ROR1: variants seen among roughly 807,000 people sequenced by gnomAD.
ROR1 encodes the protein inactive tyrosine-protein kinase transmembrane receptor ROR1.
In ROR1, 19 loss-of-function variants were observed where a neutral mutation model predicts 78.8. The observed-to-expected ratio is 0.24, with a 90% CI of 0.17 to 0.35. The LOEUF (loss-of-function observed/expected upper bound fraction) is 0.35. Ranked by LOEUF, ROR1 falls within the 10% of genes least tolerant of loss-of-function variation. The pLI is 1.00. For synonymous variants in ROR1, 386 were observed against 433.6 expected (o/e 0.89, Z 1.36); for missense variants, 917 against 1,177.8 (o/e 0.78, Z 3.24).
intron 1 of ROR1, among the ~76,000 whole-genome samples, chr1:63,959,299 C>T (rs1026749592): frequency 2.2e-5 from 3 of 135,654 alleles, no homozygotes; most frequent in African/African-American, 1.1e-4. Context: ...TCCAATGACA[C>T]GTGGGGATTA....
At position 63,988,210 on chromosome 1, in the gene ROR1, C is replaced by G. The variant is rs542012105; in HGVS notation, c.92-21095C>G. Among the ~76,000 whole-genome samples, 6 of 152,296 alleles carry G rather than the reference C, an allele frequency of 3.9e-5. No homozygotes were observed. In the South Asian group the frequency reaches 8.3e-4, roughly 21 times the overall value. ...TAAATCAACTCCAGGACCCAGCTGT[C>G]TCAGGGTCCAGGCTGGGAAGCTCCA... On this transcript the variant is annotated intron_variant, in intron 1 of 8. Coordinates refer to ENST00000371079, the MANE Select transcript of ROR1 (RefSeq NM_005012.4).
At chr1:64,174,978 C>G (rs1197922492) in intron 8 of ROR1, among the ~76,000 whole-genome samples, 4 of 147,474 alleles carry the variant, frequency 2.7e-5, no homozygotes, top group Admixed American at 6.8e-5. Flanking sequence ...TTTCCTAGTT[C>G]AGTAAGATGG....
chr1:63,967,356 A>G (rs1050992880), intron 1 of ROR1, among the ~76,000 whole-genome samples: 4 of 152,150 alleles, frequency 2.6e-5, no homozygotes, highest in Non-Finnish European at 5.9e-5. Flanking sequence ...ATCCTATAAC[A>G]TAAAAAAAAT....
intron 1 of ROR1, among the ~76,000 whole-genome samples, chr1:63,859,401 T>G (rs2100342025): frequency 6.6e-6 from 1 of 152,326 alleles, no homozygotes; most frequent in South Asian, 2.1e-4. Context: ...TCTGCAAAGC[T>G]TACTTGAGTT....
chr1:63,944,963 TAAAA>T (rs964470547), intron 1 of ROR1, among the ~76,000 whole-genome samples: 7 of 152,180 alleles, frequency 4.6e-5, no homozygotes, highest in Non-Finnish European at 8.8e-5. Context: ...GGGGAAGTGT[TAAAA>T]AAATACCTTT....
At chr1:64,093,793 C>T (rs1569733978) in intron 4 of ROR1, among the ~76,000 whole-genome samples, 1 of 152,134 alleles carries the variant, frequency 6.6e-6, no homozygotes, top group African/African-American at 2.4e-5. Context: ...TCTTCCTCTC[C>T]ACCCCTCTCT....
At position 63,855,729 on chromosome 1, in the gene ROR1, A is replaced by C. The variant is rs376405648; in HGVS notation, c.91+81221A>C. Among the ~76,000 whole-genome samples the C allele has an allele frequency of 3.3e-5, 5 of 150,328 alleles. No individual in the cohort carries two copies. In the East Asian group the frequency reaches 9.8e-4, roughly 30 times the overall value. Reference sequence around the variant, plus strand: ...AGTGGTATGATCTCGGCTCACTGCAACCTCCGCCTCCCTGGTTCAAGTGAT... The same window carrying C: ...AGTGGTATGATCTCGGCTCACTGCACCCTCCGCCTCCCTGGTTCAAGTGAT... On this transcript the variant is annotated intron_variant, in intron 1 of 8. Transcript: ENST00000371079.
chr1:64,023,927 C>T (rs1179059477), intron 2 of ROR1, among the ~76,000 whole-genome samples: 2 of 152,106 alleles, frequency 1.3e-5, no homozygotes, highest in African/African-American at 2.4e-5. Flanking sequence ...GGATCATGGG[C>T]GCGGTTTTCC....
At chr1:63,810,820 C>T (rs1180462169) in intron 1 of ROR1, among the ~76,000 whole-genome samples, 1 of 152,174 alleles carries the variant, frequency 6.6e-6, no homozygotes, top group Admixed American at 6.5e-5. Context: ...TGCAAATGGC[C>T]TGATATGCTT....
intron 4 of ROR1, among the ~76,000 whole-genome samples, chr1:64,078,192 A>G (rs539016718): frequency 4.7e-4 from 71 of 152,342 alleles, no homozygotes; most frequent in Non-Finnish European, 8.7e-4. Context: ...AAACACAGCT[A>G]TAATAGTAGT....
chr1:64,043,683 G>T (rs1486698961), intron 2 of ROR1, among the ~76,000 whole-genome samples: 1 of 152,152 alleles, frequency 6.6e-6, no homozygotes, highest in African/African-American at 2.4e-5. Flanking sequence ...AAAGACTACA[G>T]GTTGGATTGA....
intron 1 of ROR1, among the ~76,000 whole-genome samples, chr1:63,891,622 G>C (rs1462935518): frequency 2.6e-5 from 4 of 152,168 alleles, no homozygotes; most frequent in Non-Finnish European, 4.4e-5. Context: ...TCAGTAGACT[G>C]AGTACAGAAT....
intron 1 of ROR1, among the ~76,000 whole-genome samples, chr1:63,798,267 C>T (rs746312556): frequency 8.5e-5 from 13 of 152,272 alleles, no homozygotes; most frequent in Admixed American, 3.3e-4. Context: ...GTTGATTTGA[C>T]GCTCTGCAGG....
chr1:64,080,578 C>T (rs1027075078), intron 4 of ROR1, among the ~76,000 whole-genome samples: 1 of 152,212 alleles, frequency 6.6e-6, no homozygotes, highest in East Asian at 1.9e-4. Context: ...ATAAGAAGGA[C>T]ATTTTAAACT....
rs1646456689 is a variant in ROR1, at chr1:64,009,305, A to G, written c.92A>G (p.Glu31Gly). The G allele has an allele frequency of 6.2e-7, 1 of 1,611,710 alleles. No individual in the cohort carries two copies. Among genetic ancestry groups the G allele is most frequent in the East Asian group, 2.2e-5 (1 of 44,846 alleles). The change falls in exon 2 of 9, where the codon GAA becomes GGA. Residue 31 changes from glutamate (E) to glycine (G), a missense_variant and splice_region_variant. Coordinates refer to ENST00000371079, the MANE Select transcript of ROR1 (RefSeq NM_005012.4). Reference sequence around the variant, plus strand: ...TCCCTTCCCTTCTTTTTCTTTTCAGAAACAGAGCTGTCAGTCAGTGCTGAA... The same window carrying G: ...TCCCTTCCCTTCTTTTTCTTTTCAGGAACAGAGCTGTCAGTCAGTGCTGAA... Reference protein sequence around the residue: ...LLAARGAAAQETELSVSAELV... With the variant: ...LLAARGAAAQGTELSVSAELV...
intron 4 of ROR1, among the ~76,000 whole-genome samples, chr1:64,100,743 A>G (rs1434485878): frequency 3.3e-5 from 5 of 152,214 alleles, no homozygotes; most frequent in African/African-American, 9.6e-5. Context: ...TTTTAAGGGA[A>G]TATCAAGCAT....
chr1:63,878,895 A>G (rs1281140021), intron 1 of ROR1, among the ~76,000 whole-genome samples: 10 of 152,164 alleles, frequency 6.6e-5, no homozygotes, highest in Non-Finnish European at 1.5e-4. Context: ...CTCATGGTAT[A>G]TGAAGCCTGT....
chr1:63,916,602 C>T (rs1397924316), intron 1 of ROR1, among the ~76,000 whole-genome samples: 1 of 152,186 alleles, frequency 6.6e-6, no homozygotes, highest in Non-Finnish European at 1.5e-5. Context: ...TGCCTTTGCC[C>T]AGGCATAGAC....
At chr1:63,928,013 C>T (rs940563342) in intron 1 of ROR1, among the ~76,000 whole-genome samples, 9 of 149,550 alleles carry the variant, frequency 6.0e-5, no homozygotes, top group Admixed American at 3.3e-4. Flanking sequence ...CTGGCAACTG[C>T]GTGGTTTTGA....
Sources: allele counts gnomAD v4.1 joint callset (sites outside exome capture counted in the v4.1 genomes callset), GRCh38; gene constraint gnomAD v4.1.1; transcripts MANE v1.5; gene names NCBI Gene and HGNC (gene_info 2026-07-23, HGNC 2026-07-21).